CRYBG3: variants seen among roughly 807,000 people sequenced by gnomAD.
CRYBG3 encodes the protein very large A-kinase anchor protein.
CRYBG3 carries 127 observed loss-of-function variants against 244.2 expected under a neutral mutation model. The observed-to-expected ratio is 0.52, with a 90% CI of 0.45 to 0.60. The LOEUF (loss-of-function observed/expected upper bound fraction) is 0.60, where lower values mean the gene tolerates loss of function less well. Ranked by LOEUF, CRYBG3 falls within the 20% of genes least tolerant of loss-of-function variation. The probability of loss-of-function intolerance (pLI) is 0.00; values close to 1 mark genes in which losing one functional copy is unlikely to be tolerated. For synonymous variants in CRYBG3, 1,132 were observed against 1,195.8 expected (o/e 0.95, Z 1.10); for missense variants, 3,325 against 3,442.5 (o/e 0.97, Z 0.85).
chr3:97,835,066 G>T (rs752058461), intron 1 of CRYBG3, among the ~76,000 whole-genome samples: 1 of 151,992 alleles, frequency 6.6e-6, no homozygotes, highest in Non-Finnish European at 1.5e-5. Context: ...CAAGAGTTTG[G>T]AACTTGAATT....
Position 97,864,542 on chromosome 3 carries a change from A to G in CRYBG3, c.542A>G (p.Gln181Arg), listed in dbSNP as rs532579431. 6.5e-7 allele frequency: 1 copy of G among 1,535,960 alleles called. No homozygotes were observed. Among genetic ancestry groups the G allele is most frequent in the Middle Eastern group, 1.7e-4 (1 of 5,990 alleles). Residue 181 changes from glutamine to arginine, a missense_variant, in exon 3 of 22, where the codon CAG becomes CGG. This residue lies in a region of CRYBG3 where 1,526 missense variants were observed against 1,443.2 expected (regional missense o/e 1.06). Coordinates refer to ENST00000389622, the MANE Select transcript of CRYBG3 (RefSeq NM_153605.4). ...ATTTTCAGTGGCTCCCTAAGAACCC[A>G]GACACATCCAACAGAAGAACAAGAC... ...REIFSGSLRT[Q>R]THPTEEQDSN...
intron 2 of CRYBG3, among the ~76,000 whole-genome samples, chr3:97,861,838 C>G (rs1298813984): frequency 6.6e-6 from 1 of 152,062 alleles, no homozygotes. Context: ...AATTTTAATT[C>G]TATAAATACA....
chr3:97,841,514 G>T (rs1338144503), intron 1 of CRYBG3, among the ~76,000 whole-genome samples: 1 of 151,852 alleles, frequency 6.6e-6, no homozygotes, highest in East Asian at 1.9e-4. Context: ...TTTTGACCAT[G>T]ACCATTTGTT....
chr3:97,911,412 T>C (rs1347413242), intron 15 of CRYBG3, among the ~76,000 whole-genome samples: 1 of 152,222 alleles, frequency 6.6e-6, no homozygotes, highest in African/African-American at 2.4e-5. Context: ...ATTATATATC[T>C]GGTCTAAAGG....
At chr3:97,889,495 A>G (rs2039548757) in intron 10 of CRYBG3, 105 bp downstream of exon 10, 1 of 939,896 alleles carries the variant, frequency 1.1e-6, no homozygotes, top group Non-Finnish European at 1.7e-6. Flanking sequence ...ACATATGATT[A>G]TACTTAGCTA....
At position 97,944,949 on chromosome 3, in the gene CRYBG3, A is replaced by C. The variant is rs2040319287; in HGVS notation, c.*1635A>C. ...CCTTTTCTACCACACTGGATTAAAT[A>C]AACTTGTCAAAATATGGTTTTGTCA... On this transcript the variant is annotated 3_prime_UTR_variant, in exon 22 of 22. Coordinates refer to ENST00000389622, the MANE Select transcript of CRYBG3 (RefSeq NM_153605.4). 2.9e-6 allele frequency: 1 copy of C among 340,446 alleles called. No individual in the cohort carries two copies. The highest frequency in any genetic ancestry group is 4.6e-5 in the Admixed American group (1 of 21,748). The allele number at this position is 340,446 out of a possible 1,614,324, so 21.1% of individuals were successfully genotyped here.
chr3:97,870,789 T>C (rs374243544), intron 3 of CRYBG3, among the ~76,000 whole-genome samples: 23 of 152,200 alleles, frequency 1.5e-4, no homozygotes, highest in African/African-American at 5.5e-4. Context: ...TGCCAAATCT[T>C]GTGTGGGGCA....
chr3:97,941,417 C>A, intron 20 of CRYBG3, 111 bp downstream of exon 20: 1 of 711,062 alleles, frequency 1.4e-6, no homozygotes, highest in Non-Finnish European at 2.2e-6. Context: ...TTCTTAGAAA[C>A]AGGTGTTGAT....
rs1326685535 is a variant in CRYBG3 at position 97,864,619 on chromosome 3, A to G, written c.619A>G (p.Ser207Gly). The G allele has an allele frequency of 6.6e-7, 1 of 1,522,756 alleles. No individual in the cohort carries two copies. The highest frequency in any genetic ancestry group is 8.8e-7 in the Non-Finnish European group (1 of 1,141,002). 94.3% of individuals were successfully genotyped at this position (1,522,756 alleles called of 1,614,324 possible). ...DAFSLDTTQD[S>G]DQETTNLLKQ... Reference sequence around the variant, plus strand: ...TTTTTCTTTGGATACAACACAAGACAGTGACCAAGAAACCACTAATTTGCT... The same window carrying G: ...TTTTTCTTTGGATACAACACAAGACGGTGACCAAGAAACCACTAATTTGCT... Residue 207 changes from serine (S) to glycine (G), a missense_variant, in exon 3 of 22, where the codon AGT (serine) becomes GGT (glycine). Physicochemically the swap from Ser to Gly is moderately conservative, Grantham distance 56 (BLOSUM62 0). Around this residue, in one of 4 missense-constraint regions of CRYBG3, gnomAD observed 1,526 missense variants for 1,443.2 expected, o/e 1.06. Coordinates refer to ENST00000389622, the MANE Select transcript of CRYBG3 (RefSeq NM_153605.4).
intron 18 of CRYBG3, among the ~76,000 whole-genome samples, chr3:97,934,069 G>A (rs577181449): frequency 3.3e-5 from 5 of 152,090 alleles, no homozygotes; most frequent in African/African-American, 1.2e-4. Flanking sequence ...AGCAACTTTG[G>A]TTAAGACAAT....
chr3:97,914,314 C>A (rs1343962320), intron 16 of CRYBG3, among the ~76,000 whole-genome samples: 2 of 152,106 alleles, frequency 1.3e-5, no homozygotes, highest in African/African-American at 2.4e-5. Context: ...TATTATTTGG[C>A]TCTAAGTTCC....
chr3:97,876,493 CA>C lies in CRYBG3; in HGVS notation c.5306del (p.Asn1769MetfsTer14), dbSNP rs1417190140. The C allele has an allele frequency of 1.6e-6, 2 of 1,231,684 alleles. No homozygotes were observed. Among genetic ancestry groups the C allele is most frequent in the Non-Finnish European group, 2.0e-6 (2 of 987,906 alleles). The allele number at this position is 1,231,684 out of a possible 1,614,324, so 76.3% of individuals were successfully genotyped here. ...PLALEVVNTY[Q>X]KNAKGFTGNT... The stretch of plus-strand genomic sequence containing the variant: ...TGCATTAGAGGTAGTAAATACTTAC[CA>C]AAAAAATGCCAAAGGTTTTACCGGG... On this transcript the variant is annotated frameshift_variant, in exon 4 of 22. Coordinates refer to ENST00000389622, the MANE Select transcript of CRYBG3 (RefSeq NM_153605.4). LOFTEE classifies it high-confidence loss of function.
At chr3:97,822,490 C>G (rs1284806648) in intron 1 of CRYBG3, 135 bp downstream of exon 1, 2 of 834,840 alleles carry the variant, frequency 2.4e-6, no homozygotes, top group Non-Finnish European at 3.4e-6. Flanking sequence ...CTCCTTCCTC[C>G]ATTGCTAAAG....
In CRYBG3 at chr3:97,871,987, A is replaced by G; in HGVS notation, c.793A>G (p.Thr265Ala). 1.3e-6 allele frequency: 2 copies of G among 1,535,960 alleles called. No homozygotes were observed. The highest frequency in any genetic ancestry group is 1.7e-6 in the Non-Finnish European group (2 of 1,146,774). Residue 265 changes from threonine (T) to alanine (A), a missense_variant, in exon 4 of 22, where the codon ACA becomes GCA. Physicochemically the swap from Thr to Ala is moderately conservative, Grantham distance 58. Transcript: ENST00000389622. ...AGAAAATGAAAGTTCTGACTCTAGT[A>G]CAAACAGACACATTGACCCTGGAAG... ...DRENESSDSSTNRHIDPGSEI... is the reference protein window; with the variant it reads ...DRENESSDSSANRHIDPGSEI...
chr3:97,903,113 GC>G (rs2039723858), intron 15 of CRYBG3, among the ~76,000 whole-genome samples: 1 of 152,030 alleles, frequency 6.6e-6, no homozygotes, highest in South Asian at 2.1e-4. Context: ...TAAACATTGA[GC>G]CCCTGTTCCA....
At chr3:97,854,568 C>T (rs543665423) in intron 2 of CRYBG3, among the ~76,000 whole-genome samples, 9 of 149,748 alleles carry the variant, frequency 6.0e-5, no homozygotes, top group Admixed American at 5.3e-4. Context: ...CTTTCACCTC[C>T]TTTGTTAGGT....
chr3:97,834,517 A>C (rs1434346417), intron 1 of CRYBG3, among the ~76,000 whole-genome samples: 3 of 152,188 alleles, frequency 2.0e-5, no homozygotes, highest in African/African-American at 7.2e-5. Context: ...CTTATGACAA[A>C]GAATGAAATG....
chr3:97,916,507 G>A (rs1191789080), intron 17 of CRYBG3, among the ~76,000 whole-genome samples: 2 of 152,162 alleles, frequency 1.3e-5, no homozygotes, highest in African/African-American at 4.8e-5. Flanking sequence ...TCTGTGCAGA[G>A]GAGGTAGTGA....
chr3:97,876,754 G>A lies in CRYBG3; in HGVS notation c.5560G>A (p.Gly1854Ser), dbSNP rs1288541842. The A allele has an allele frequency of 2.4e-6, 3 of 1,257,626 alleles. No homozygotes were observed. Among genetic ancestry groups the A allele is most frequent in the Non-Finnish European group, 3.0e-6 (3 of 1,003,926 alleles). The allele number at this position is 1,257,626 out of a possible 1,614,324, so 77.9% of individuals were successfully genotyped here. A position where few individuals can be genotyped will look rare whatever the true frequency, so the allele number is the denominator to read the frequency against. ...EMEKISPEDR[G>S]ENIGKHKVLP... ...GGAAAAAATATCCCCAGAAGATCGT[G>A]GTGAGAATATTGGGAAACACAAAGT... The change falls in exon 4 of 22, where the codon GGT becomes AGT. Residue 1854 changes from glycine to serine, a missense_variant. Coordinates refer to ENST00000389622, the MANE Select transcript of CRYBG3 (RefSeq NM_153605.4).
Sources: allele counts gnomAD v4.1 joint callset (sites outside exome capture counted in the v4.1 genomes callset), GRCh38; gene constraint gnomAD v4.1.1; regional missense constraint gnomAD v4.1.1; transcripts MANE v1.5; gene names NCBI Gene and HGNC (gene_info 2026-07-23, HGNC 2026-07-21).